The following CTNNA3 variants were observed in gnomAD, a reference collection of about 807,000 sequenced individuals.
CTNNA3 encodes catenin alpha-3.
A neutral mutation model predicts 95.7 loss-of-function variants in CTNNA3; 76 were observed. The observed-to-expected ratio is 0.79, with a 90% CI of 0.66 to 0.96. The LOEUF is 0.96. Ranked by LOEUF, CTNNA3 falls within the 40% of genes least tolerant of loss-of-function variation. The pLI is 0.00. For synonymous variants in CTNNA3, 431 were observed against 374.4 expected (o/e 1.15, Z -1.74); for missense variants, 1,191 against 1,089.8 (o/e 1.09, Z -1.31).
intron 6 of CTNNA3, among the ~76,000 whole-genome samples, chr10:67,218,225 C>G (rs191623611): frequency 1.6e-4 from 25 of 152,262 alleles, no homozygotes; most frequent in Middle Eastern, 6.8e-3. Context: ...CTCGGCACTC[C>G]CCAGATACAG....
At chr10:66,356,034 TG>T (rs1452468793) in intron 12 of CTNNA3, among the ~76,000 whole-genome samples, 1 of 150,162 alleles carries the variant, frequency 6.7e-6, no homozygotes, top group East Asian at 1.9e-4. Context: ...TCTACTCTTT[TG>T]CAAATATCAC....
At chr10:66,055,746 A>G (rs998953621) in intron 15 of CTNNA3, among the ~76,000 whole-genome samples, 2 of 151,812 alleles carry the variant, frequency 1.3e-5, no homozygotes, top group African/African-American at 4.8e-5. Flanking sequence ...ACATGGTGAA[A>G]CCCCATCTCT....
At chr10:66,275,985 T>C (rs925851614) in intron 13 of CTNNA3, among the ~76,000 whole-genome samples, 1 of 152,202 alleles carries the variant, frequency 6.6e-6, no homozygotes, top group African/African-American at 2.4e-5. Context: ...GATTGTTATA[T>C]AAGCTGATAT....
At chr10:66,972,136 C>T (rs1307453620) in intron 7 of CTNNA3, among the ~76,000 whole-genome samples, 1 of 152,000 alleles carries the variant, frequency 6.6e-6, no homozygotes, top group Non-Finnish European at 1.5e-5. Flanking sequence ...GATAGAATAT[C>T]GCCTTCTCAA....
chr10:65,946,698 TA>T (rs1220963239), intron 17 of CTNNA3, among the ~76,000 whole-genome samples: 1 of 152,164 alleles, frequency 6.6e-6, no homozygotes, highest in African/African-American at 2.4e-5. Context: ...GAAAGTACTT[TA>T]TTTCCTGCAA....
chr10:66,862,925 G>A (rs112532887), intron 7 of CTNNA3, among the ~76,000 whole-genome samples: 241 of 152,160 alleles, frequency 1.6e-3, no homozygotes, highest in African/African-American at 5.6e-3. Flanking sequence ...CCAAAGTAAG[G>A]AAAACTTTTG....
intron 10 of CTNNA3, among the ~76,000 whole-genome samples, chr10:66,595,626 C>T (rs955773624): frequency 2.0e-5 from 3 of 151,940 alleles, no homozygotes; most frequent in East Asian, 1.9e-4. Flanking sequence ...CGTCAGCCAC[C>T]GCACCCAGCC....
intron 7 of CTNNA3, among the ~76,000 whole-genome samples, chr10:67,163,545 C>T (rs1348672242): frequency 6.6e-6 from 1 of 151,928 alleles, no homozygotes; most frequent in Non-Finnish European, 1.5e-5. Context: ...TGAAGGCTTT[C>T]CCCCTAAAAT....
At chr10:67,725,201 G>T (rs1259467936) in intron 1 of CTNNA3, among the ~76,000 whole-genome samples, 1 of 150,066 alleles carries the variant, frequency 6.7e-6, no homozygotes, top group Non-Finnish European at 1.5e-5. Context: ...TTTGAGACGG[G>T]AGTCTCGCTC....
intron 10 of CTNNA3, among the ~76,000 whole-genome samples, chr10:66,525,329 T>G (rs1366081759): frequency 1.3e-5 from 2 of 152,156 alleles, no homozygotes; most frequent in Non-Finnish European, 1.5e-5. Flanking sequence ...CTTTGCATCA[T>G]GCACCACTGT....
At chr10:67,677,402 T>C (rs766610464) in intron 1 of CTNNA3, among the ~76,000 whole-genome samples, 29 of 152,160 alleles carry the variant, frequency 1.9e-4, no homozygotes, top group Non-Finnish European at 4.0e-4. Context: ...CCTTGGAATT[T>C]AAATCAAGAG....
intron 12 of CTNNA3, among the ~76,000 whole-genome samples, chr10:66,355,128 G>T (rs543929878): frequency 6.6e-6 from 1 of 152,178 alleles, no homozygotes; most frequent in South Asian, 2.1e-4. Context: ...AGTGAGTTTG[G>T]TTAAGTAGAT....
intron 7 of CTNNA3, among the ~76,000 whole-genome samples, chr10:67,095,647 A>G (rs1162775213): frequency 2.0e-5 from 3 of 151,894 alleles, no homozygotes; most frequent in African/African-American, 7.2e-5. Context: ...TATTCACAGT[A>G]GAGTTAATTC....
intron 5 of CTNNA3, among the ~76,000 whole-genome samples, chr10:67,369,163 A>G (rs564236789): frequency 3.5e-4 from 53 of 152,316 alleles, no homozygotes; most frequent in African/African-American, 1.2e-3. Context: ...AGCCTTGGTA[A>G]TTAAAATACT....
chr10:66,258,217 A>G (rs1420954520), intron 13 of CTNNA3, among the ~76,000 whole-genome samples: 1 of 152,184 alleles, frequency 6.6e-6, no homozygotes, highest in East Asian at 1.9e-4. Context: ...CAGTGTTAGT[A>G]TCAAACAAAC....
At chr10:67,612,903 ATCTT>A (rs1157949576) in intron 2 of CTNNA3, among the ~76,000 whole-genome samples, 1 of 152,138 alleles carries the variant, frequency 6.6e-6, no homozygotes, top group African/African-American at 2.4e-5. Context: ...CCCTCGTTGA[ATCTT>A]TCATGAAGCG....
chr10:67,608,387 A>G (rs1407261426), intron 2 of CTNNA3, among the ~76,000 whole-genome samples: 1 of 152,128 alleles, frequency 6.6e-6, no homozygotes, highest in Non-Finnish European at 1.5e-5. Context: ...TATTTTGGAG[A>G]TACATAATTT....
At chr10:66,642,458 C>T (rs1315844075) in intron 9 of CTNNA3, among the ~76,000 whole-genome samples, 2 of 151,982 alleles carry the variant, frequency 1.3e-5, no homozygotes, top group African/African-American at 2.4e-5. Context: ...GAGTATGAAC[C>T]GCTGCCAAGA....
At chr10:66,017,847 G>C (rs1050921675) in intron 15 of CTNNA3, among the ~76,000 whole-genome samples, 1 of 152,160 alleles carries the variant, frequency 6.6e-6, no homozygotes, top group South Asian at 2.1e-4. Flanking sequence ...TTAATGGGCT[G>C]TTTGGTTCTA....
Sources: gnomAD v4.1 joint callset for allele counts (sites outside exome capture counted in the v4.1 genomes callset) on GRCh38, gnomAD v4.1.1 for gene constraint, MANE v1.5 for transcripts, NCBI Gene and HGNC (gene_info 2026-07-23, HGNC 2026-07-21) for gene names.